FGF14: variants seen among roughly 807,000 people sequenced by gnomAD.
FGF14 encodes the protein fibroblast growth factor 14, also known as fibroblast growth factor homologous factor 4.
Under a neutral mutation model 25.5 loss-of-function variants are expected in FGF14, and 5 were observed. That is an observed-to-expected ratio of 0.20 (90% CI 0.10 to 0.41). The LOEUF (loss-of-function observed/expected upper bound fraction) is 0.41, where lower values mean the gene tolerates loss of function less well. Ranked by LOEUF, FGF14 falls within the 10% of genes least tolerant of loss-of-function variation. FGF14 has a pLI of 1.00. For missense variants in FGF14, 222 were observed against 320.1 expected, an observed-to-expected ratio of 0.69 and a Z score of 2.34; for synonymous variants, 138 against 118.3, an observed-to-expected ratio of 1.17 and a Z score of -1.08.
At chr13:102,093,375 C>A (rs34447108) in intron 1 of FGF14, among the ~76,000 whole-genome samples, 2 of 152,230 alleles carry the variant, frequency 1.3e-5, no homozygotes, top group Non-Finnish European at 1.5e-5. Context: ...TATAAACACA[C>A]ATAAAGATGC....
At chr13:101,781,060 T>C (rs2039460017) in intron 3 of FGF14, among the ~76,000 whole-genome samples, 1 of 152,016 alleles carries the variant, frequency 6.6e-6, no homozygotes, top group African/African-American at 2.4e-5. Context: ...GTTCTTACAC[T>C]TGCTGTCCAC....
At chr13:102,201,354 C>T (rs558212800) in intron 1 of FGF14, among the ~76,000 whole-genome samples, 1 of 151,834 alleles carries the variant, frequency 6.6e-6, no homozygotes, top group Non-Finnish European at 1.5e-5. Context: ...AAAATCTATC[C>T]GTGAACATGT....
chr13:102,321,415 G>C (rs1191567701), intron 1 of FGF14, among the ~76,000 whole-genome samples: 1 of 152,028 alleles, frequency 6.6e-6, no homozygotes, highest in African/African-American at 2.4e-5. Flanking sequence ...ATTTAACAAT[G>C]CAACATATAG....
At chr13:102,154,428 T>C (rs1451860371) in intron 1 of FGF14, among the ~76,000 whole-genome samples, 3 of 151,532 alleles carry the variant, frequency 2.0e-5, no homozygotes, top group African/African-American at 4.9e-5. Context: ...GCTTCATAAG[T>C]GAAGGAGAAA....
chr13:102,322,439 T>C (rs2056279991), intron 1 of FGF14, among the ~76,000 whole-genome samples: 1 of 152,168 alleles, frequency 6.6e-6, no homozygotes, highest in Non-Finnish European at 1.5e-5. Flanking sequence ...GGGGATCCTA[T>C]AACTGCCATG....
chr13:102,292,295 A>AC (rs1249868372), intron 1 of FGF14: 5 of 148,460 alleles, frequency 3.4e-5, no homozygotes, highest in Non-Finnish European at 7.5e-5. Context: ...AAAAAAAAAA[A>AC]AAAAAAAAAA....
intron 1 of FGF14, among the ~76,000 whole-genome samples, chr13:101,929,674 A>G (rs1411596941): frequency 6.6e-6 from 1 of 152,184 alleles, no homozygotes; most frequent in Non-Finnish European, 1.5e-5. Context: ...TGGTCATTGG[A>G]CTTAAAAATG....
chr13:102,263,143 CTTTT>C (rs2052802209), intron 1 of FGF14: 1 of 599,918 alleles, frequency 1.7e-6, no homozygotes, highest in African/African-American at 1.9e-5. Flanking sequence ...GATGATTTTG[CTTTT>C]GTTTCTTGGC....
intron 1 of FGF14, among the ~76,000 whole-genome samples, chr13:102,033,158 T>C (rs755606132): frequency 2.6e-5 from 4 of 152,150 alleles, no homozygotes; most frequent in Non-Finnish European, 4.4e-5. Flanking sequence ...AGTATCTTCA[T>C]GATCAGTTAC....
chr13:102,197,836 G>C (rs1182035711), intron 1 of FGF14, among the ~76,000 whole-genome samples: 1 of 152,088 alleles, frequency 6.6e-6, no homozygotes, highest in Admixed American at 6.5e-5. Context: ...CAGGGTCTCA[G>C]AATCAAAACA....
intron 1 of FGF14, among the ~76,000 whole-genome samples, chr13:102,176,095 A>G (rs574534674): frequency 9.2e-5 from 14 of 152,232 alleles, no homozygotes; most frequent in African/African-American, 3.4e-4. Flanking sequence ...AGAAATTGTT[A>G]TATCAAAAAG....
chr13:101,799,039 A>G (rs1463179690), intron 3 of FGF14, among the ~76,000 whole-genome samples: 1 of 152,168 alleles, frequency 6.6e-6, no homozygotes, highest in Non-Finnish European at 1.5e-5. Context: ...TGCCTCATAC[A>G]TATACGGTAA....
At chr13:101,907,790 G>A (rs1446991393) in intron 1 of FGF14, among the ~76,000 whole-genome samples, 4 of 152,138 alleles carry the variant, frequency 2.6e-5, no homozygotes, top group Non-Finnish European at 5.9e-5. Context: ...ACAGGAGGAT[G>A]TGGGATAACA....
At chr13:102,275,528 G>A (rs2053493743) in intron 1 of FGF14, among the ~76,000 whole-genome samples, 1 of 152,050 alleles carries the variant, frequency 6.6e-6, no homozygotes, top group South Asian at 2.1e-4. Context: ...TGAAAGTAAA[G>A]ATCCAAGTAT....
intron 1 of FGF14, among the ~76,000 whole-genome samples, chr13:102,181,292 T>C (rs955017165): frequency 3.9e-5 from 6 of 152,170 alleles, no homozygotes; most frequent in Non-Finnish European, 8.8e-5. Context: ...TTATGTTACC[T>C]GACATGGTAA....
intron 1 of FGF14, among the ~76,000 whole-genome samples, chr13:102,209,368 C>T (rs2050069930): frequency 6.6e-6 from 1 of 152,204 alleles, no homozygotes; most frequent in South Asian, 2.1e-4. Context: ...TAAACAGAAA[C>T]AGTCAAAAAC....
At chr13:101,890,207 C>T (rs145614271) in intron 1 of FGF14, among the ~76,000 whole-genome samples, 27 of 152,258 alleles carry the variant, frequency 1.8e-4, no homozygotes, top group African/African-American at 9.6e-5. Flanking sequence ...GGAACAACTG[C>T]TTTTCTGCAT....
chr13:102,389,054 T>C (rs562697995), intron 1 of FGF14, among the ~76,000 whole-genome samples: 4 of 152,308 alleles, frequency 2.6e-5, no homozygotes, highest in East Asian at 1.9e-4. Flanking sequence ...CTCCTACCAA[T>C]AGAAACACAC....
chr13:101,988,714 G>T (rs551868546), intron 1 of FGF14, among the ~76,000 whole-genome samples: 4 of 134,730 alleles, frequency 3.0e-5, no homozygotes, highest in Admixed American at 2.2e-4. Context: ...TGTGGGGTGG[G>T]GGGGAGGGGG....
Sources: gnomAD v4.1 joint callset for allele counts (sites outside exome capture counted in the v4.1 genomes callset) on GRCh38, gnomAD v4.1.1 for gene constraint, MANE v1.5 for transcripts, NCBI Gene and HGNC (gene_info 2026-07-23, HGNC 2026-07-21) for gene names.